FOCAD: variants seen among roughly 807,000 people sequenced by gnomAD.
The protein encoded by FOCAD is focadhesin.
A neutral mutation model predicts 225.6 loss-of-function variants in FOCAD; 198 were observed. The observed-to-expected ratio is 0.88, with a 90% confidence interval of 0.78 to 0.99. The LOEUF (loss-of-function observed/expected upper bound fraction) is 0.99. Ranked by LOEUF, FOCAD falls within the 50% of genes least tolerant of loss-of-function variation. FOCAD has a pLI of 0.00. For synonymous variants in FOCAD, 897 were observed against 755.0 expected, an observed-to-expected ratio of 1.19 and a Z score of -3.08; for missense variants, 2,713 against 2,123.6, an observed-to-expected ratio of 1.28 and a Z score of -5.46.
chr9:20,752,983 T>A (rs1828707292), intron 5 of FOCAD, among the ~76,000 whole-genome samples: 1 of 150,900 alleles, frequency 6.6e-6, no homozygotes, highest in Non-Finnish European at 1.5e-5. Context: ...TGTATAAGAA[T>A]GCTTGTGATT....
intron 19 of FOCAD, among the ~76,000 whole-genome samples, chr9:20,878,494 T>G (rs1830409884): frequency 6.6e-6 from 1 of 152,232 alleles, no homozygotes; most frequent in African/African-American, 2.4e-5. Flanking sequence ...TCTTTCACCA[T>G]TAAGTAGCCT....
At chr9:20,668,024 T>C (rs949642946) in intron 2 of FOCAD, among the ~76,000 whole-genome samples, 2 of 152,252 alleles carry the variant, frequency 1.3e-5, no homozygotes, top group African/African-American at 4.8e-5. Context: ...AAAGAAGATC[T>C]ATTATCTCTA....
At chr9:20,880,074 A>G (rs1216070061) in intron 19 of FOCAD, among the ~76,000 whole-genome samples, 1 of 152,186 alleles carries the variant, frequency 6.6e-6, no homozygotes, top group East Asian at 1.9e-4. Flanking sequence ...GTATGCAGAA[A>G]TTGGGGTACA....
At chr9:20,794,575 T>A (rs1379655454) in intron 11 of FOCAD, among the ~76,000 whole-genome samples, 1 of 152,180 alleles carries the variant, frequency 6.6e-6, no homozygotes, top group African/African-American at 2.4e-5. Flanking sequence ...AACACAAGGC[T>A]ACAGATTGTT....
At chr9:20,716,174 A>G (rs758100300) in intron 2 of FOCAD, 2 of 472,064 alleles carry the variant, frequency 4.2e-6, no homozygotes, top group African/African-American at 1.9e-5. Flanking sequence ...ATTCCCTTCT[A>G]CCTGGCTGGG....
rs763703490 is a variant in FOCAD, at chr9:20,948,264, A to G, written c.3676-7A>G. 7.5e-6 allele frequency: 12 copies of G among 1,592,042 alleles called. No homozygotes were observed. Among genetic ancestry groups the G allele is most frequent in the Non-Finnish European group, 1.0e-5 (12 of 1,170,366 alleles). ...TTTCTTACCCCATTTTTATTTATTT[A>G]TATCAGACTTCAGGTTTTGCCCTGG... is the stretch of plus-strand genomic sequence containing the variant. On this transcript the variant is annotated splice_polypyrimidine_tract_variant and splice_region_variant and intron_variant, in intron 30 of 43. Transcript: ENST00000338382.
upstream of FOCAD, among the ~76,000 whole-genome samples, chr9:20,657,999 C>T (rs376432526): frequency 1.9e-3 from 266 of 142,860 alleles, 1 homozygote; most frequent in Non-Finnish European, 3.1e-3. Flanking sequence ...TTCTAACAGA[C>T]AGGACCCTCA....
intron 4 of FOCAD, among the ~76,000 whole-genome samples, chr9:20,723,095 T>C (rs183932848): frequency 4.6e-5 from 7 of 152,302 alleles, no homozygotes; most frequent in African/African-American, 1.7e-4. Flanking sequence ...TTCCTCCCTA[T>C]TGTAAATTGC....
At position 20,866,917 on chromosome 9, in the gene FOCAD, T is replaced by TTTTTTTTTTTTTAAAAA; in HGVS notation, c.2107-12_2107-11insTTTTTTTTTTTTAAAAA. 2.6e-6 allele frequency: 2 copies of TTTTTTTTTTTTTAAAAA among 764,970 alleles called. No homozygotes were observed. The highest frequency in any genetic ancestry group is 4.0e-6 in the Non-Finnish European group (2 of 498,466). 47.4% of individuals were successfully genotyped at this position (764,970 alleles called of 1,614,324 possible). A position where few individuals can be genotyped will look rare whatever the true frequency, so the allele number is the denominator to read the frequency against. ...TTTTTTTTTTTTTTTTTTTTTTTTT[T>TTTTTTTTTTTTTAAAAA]ACCCTATCTAGGACCCAATTGTAGC... On this transcript the variant is annotated splice_polypyrimidine_tract_variant and intron_variant, in intron 17 of 43. Transcript: ENST00000338382.
At chr9:20,740,478 C>A in intron 5 of FOCAD, 138 bp downstream of exon 5, 1 of 508,976 alleles carries the variant, frequency 2.0e-6, no homozygotes. Flanking sequence ...GTTGACCTCT[C>A]AGGAAGTTAG....
At chr9:20,938,661 A>G (rs1406773613) in intron 28 of FOCAD, among the ~76,000 whole-genome samples, 1 of 152,134 alleles carries the variant, frequency 6.6e-6, no homozygotes, top group Non-Finnish European at 1.5e-5. Flanking sequence ...GCACACCAAT[A>G]TGGCACCTGT....
At chr9:20,814,256 T>C (rs1272889490) in intron 11 of FOCAD, among the ~76,000 whole-genome samples, 1 of 152,162 alleles carries the variant, frequency 6.6e-6, no homozygotes, top group Non-Finnish European at 1.5e-5. Context: ...CTTATAGCAT[T>C]TTTTTGGTCC....
At chr9:20,684,678 C>CT (rs1822551540) in intron 1 of FOCAD, 1 of 152,382 alleles carries the variant, frequency 6.6e-6, no homozygotes, top group African/African-American at 2.4e-5. Context: ...AGTCGTCCCA[C>CT]TCTCCTTCGA....
intron 35 of FOCAD, among the ~76,000 whole-genome samples, chr9:20,966,129 C>T (rs539287490): frequency 1.1e-4 from 16 of 152,022 alleles, no homozygotes; most frequent in East Asian, 3.9e-4. Flanking sequence ...CCACAGTGGC[C>T]GCACTGTTTT....
chr9:20,820,438 A>T lies in FOCAD; in HGVS notation c.1662+13A>T, dbSNP rs775431305. 6.3e-7 allele frequency: 1 copy of T among 1,591,260 alleles called. No individual in the cohort carries two copies. Among genetic ancestry groups the T allele is most frequent in the Non-Finnish European group, 8.6e-7 (1 of 1,160,120 alleles). Reference sequence around the variant, plus strand: ...GTGGGAAAAGCAGGTAATTTCAGATATACACTTGCATGAGTATTAAATATG... The same window carrying T: ...GTGGGAAAAGCAGGTAATTTCAGATTTACACTTGCATGAGTATTAAATATG... On this transcript the variant is annotated intron_variant, in intron 13 of 43. Coordinates refer to ENST00000338382, the MANE Select transcript of FOCAD (RefSeq NM_001375567.1).
intron 1 of FOCAD, among the ~76,000 whole-genome samples, chr9:20,712,431 G>A (rs1219145566): frequency 2.0e-5 from 3 of 151,986 alleles, no homozygotes; most frequent in Admixed American, 6.6e-5. Flanking sequence ...AGGCCGAGGC[G>A]GGCGGATCAC....
chr9:20,931,833 G>C (rs143222688), intron 27 of FOCAD, among the ~76,000 whole-genome samples: 2,555 of 150,406 alleles, frequency 0.017, 65 homozygotes, highest in African/African-American at 0.051. Flanking sequence ...AGGAGGCTGA[G>C]GTTGCAGTGA....
At chr9:20,885,510 T>C (rs1468571193) in intron 21 of FOCAD, 1 of 182,594 alleles carries the variant, frequency 5.5e-6, no homozygotes, top group African/African-American at 2.3e-5. Flanking sequence ...TCAGAATAAA[T>C]ATCAATTTAT....
At chr9:20,757,982 AAAAAAG>A (rs1829212027) in intron 5 of FOCAD, 102 bp from the exon 6 acceptor site, 4 of 548,170 alleles carry the variant, frequency 7.3e-6, no homozygotes, top group African/African-American at 2.0e-5. Context: ...ATGAATCGTG[AAAAAAG>A]TCTCTAGATG....
Sources: gnomAD v4.1 joint callset for allele counts (sites outside exome capture counted in the v4.1 genomes callset) on GRCh38, gnomAD v4.1.1 for gene constraint, MANE v1.5 for transcripts, NCBI Gene and HGNC (gene_info 2026-07-23, HGNC 2026-07-21) for gene names.